Variants in RAD21L1 observed in about 807,000 individuals in gnomAD.
RAD21L1 encodes double-strand-break repair protein rad21-like protein 1.
RAD21L1 carries 47 observed loss-of-function variants against 69.0 expected under a neutral mutation model. The ratio of observed to expected loss-of-function variants is 0.68; its 90% confidence interval spans 0.54 to 0.87. The LOEUF is 0.87. Among genes scored for constraint, RAD21L1 ranks in the 40% least tolerant of loss-of-function variants. The probability of loss-of-function intolerance (pLI) is 0.00; values close to 1 mark genes in which losing one functional copy is unlikely to be tolerated. For synonymous variants in RAD21L1, 177 were observed against 205.8 expected (o/e 0.86, Z 1.20); for missense variants, 583 against 647.6 (o/e 0.90, Z 1.08).
intron 11 of RAD21L1, 124 bp downstream of exon 11, chr20:1,244,294 A>G (rs1204009851): frequency 1.4e-6 from 1 of 719,288 alleles, no homozygotes; most frequent in East Asian, 3.0e-5. Context: ...ATTGTTTTGC[A>G]ATTTGTTTAG....
At chr20:1,242,104 A>G (rs1236027398) in intron 8 of RAD21L1, among the ~76,000 whole-genome samples, 1 of 152,210 alleles carries the variant, frequency 6.6e-6, no homozygotes, top group African/African-American at 2.4e-5. Context: ...CTTAACAGGT[A>G]GATCCCTTTC....
At chr20:1,252,401 G>A (rs2087852251) in intron 13 of RAD21L1, among the ~76,000 whole-genome samples, 1 of 152,076 alleles carries the variant, frequency 6.6e-6, no homozygotes, top group Non-Finnish European at 1.5e-5. Flanking sequence ...TTCTCCCTTA[G>A]AATAGTCATC....
At chr20:1,238,239 TA>T in intron 6 of RAD21L1, 25 bp downstream of exon 6, 4 of 1,390,202 alleles carry the variant, frequency 2.9e-6, no homozygotes, top group Non-Finnish European at 3.8e-6. Context: ...CATGTGGAAA[TA>T]AAATATTTAT....
intron 1 of RAD21L1, among the ~76,000 whole-genome samples, chr20:1,226,600 AC>A (rs1325364085): frequency 2.1e-4 from 31 of 149,834 alleles, no homozygotes; most frequent in Non-Finnish European, 3.3e-4. Context: ...TCCCCTTCCG[AC>A]CCCTTCCTCC....
chr20:1,245,027 G>A (rs879054241), intron 11 of RAD21L1, among the ~76,000 whole-genome samples: 5 of 152,112 alleles, frequency 3.3e-5, no homozygotes, highest in Admixed American at 2.6e-4. Flanking sequence ...TGTACCTACC[G>A]AAAATTATGA....
rs918945023 is a variant in RAD21L1 at position 1,246,172 on chromosome 20, A to C, written c.1309-41A>C. ...AAAATTAGATTGTTCCTGTATAACCACTGGCAGATTTACCTAACTTTCCCT... is the reference window on the plus strand; with the variant it reads ...AAAATTAGATTGTTCCTGTATAACCCCTGGCAGATTTACCTAACTTTCCCT... On this transcript the variant is annotated intron_variant, in intron 11 of 13. Coordinates refer to ENST00000683101, the MANE Select transcript of RAD21L1 (RefSeq NM_001384355.1). The surrounding 1 kb of genome is among the most constrained non-coding windows in gnomAD (Gnocchi z 4.6). 9.2e-7 allele frequency: 1 copy of C among 1,084,146 alleles called. No individual in the cohort carries two copies. The highest frequency in any genetic ancestry group is 1.6e-5 in the African/African-American group (1 of 62,154). 67.2% of individuals were successfully genotyped at this position (1,084,146 alleles called of 1,614,324 possible).
At chr20:1,252,883 T>C (rs1194691076) in intron 13 of RAD21L1, among the ~76,000 whole-genome samples, 1 of 152,226 alleles carries the variant, frequency 6.6e-6, no homozygotes, top group Admixed American at 6.5e-5. Context: ...TTTGTCTTTA[T>C]CTCCTTCGTC....
intron 13 of RAD21L1, among the ~76,000 whole-genome samples, chr20:1,253,036 AG>A (rs1253600550): frequency 1.3e-5 from 2 of 152,246 alleles, no homozygotes; most frequent in Non-Finnish European, 2.9e-5. Context: ...ATTCTCTCCC[AG>A]GGGGGAAAAG....
At chr20:1,226,358 C>A in intron 1 of RAD21L1, 1 of 152,386 alleles carries the variant, frequency 6.6e-6, no homozygotes, top group Non-Finnish European at 1.5e-5. Context: ...TCCTCGCCCG[C>A]ACGCGGAAGA....
intron 8 of RAD21L1, among the ~76,000 whole-genome samples, chr20:1,241,003 C>A (rs2087596665): frequency 6.6e-6 from 1 of 152,328 alleles, no homozygotes; most frequent in Admixed American, 6.5e-5. Context: ...CCCTTGAATT[C>A]TTTTCCTGGA....
chr20:1,250,056 C>A (rs910625401), intron 13 of RAD21L1, among the ~76,000 whole-genome samples: 2 of 140,608 alleles, frequency 1.4e-5, no homozygotes, highest in Non-Finnish European at 3.1e-5. Flanking sequence ...CTTCTTGTGT[C>A]CAAGTGTTCT....
rs2087562472 is a variant in RAD21L1 at position 1,239,395 on chromosome 20, A to G, written c.730A>G (p.Asn244Asp). ...AATTTCCCTGCCTTCTGAGCCTCCC[A>G]ATAGTTTAGCAGGTAGGTTGAAATT... is the stretch of plus-strand genomic sequence containing the variant. Reference protein sequence around the residue: ...REISLPSEPPNSLAVEPDNSE... With the variant: ...REISLPSEPPDSLAVEPDNSE... Residue 244 changes from asparagine to aspartate, a missense_variant, in exon 7 of 14, where the codon AAT becomes GAT. Physicochemically the swap from Asn to Asp is conservative, Grantham distance 23 (BLOSUM62 1). Coordinates refer to ENST00000683101, the MANE Select transcript of RAD21L1 (RefSeq NM_001384355.1). 3 of 1,542,464 alleles carry G rather than the reference A, an allele frequency of 1.9e-6. No individual in the cohort carries two copies. The East Asian group carries it at 7.4e-5, about 38-fold the overall frequency.
At chr20:1,250,993 T>C (rs979755429) in intron 13 of RAD21L1, among the ~76,000 whole-genome samples, 1 of 152,180 alleles carries the variant, frequency 6.6e-6, no homozygotes, top group African/African-American at 2.4e-5. Context: ...ATTTGTCTCT[T>C]TCCTGTATAT....
intron 4 of RAD21L1, among the ~76,000 whole-genome samples, chr20:1,232,182 C>G (rs2087404088): frequency 6.6e-6 from 1 of 152,062 alleles, no homozygotes; most frequent in Non-Finnish European, 1.5e-5. Flanking sequence ...TTTCAAGGAC[C>G]AGCAAGGAGG....
At chr20:1,242,534 A>C in intron 8 of RAD21L1, 85 bp from the exon 9 acceptor site, 12 of 1,039,390 alleles carry the variant, frequency 1.2e-5, no homozygotes, top group Non-Finnish European at 1.6e-5. Flanking sequence ...TGCCTGGCTT[A>C]GAAATTTCTT....
rs548863665 is a variant in RAD21L1, at chr20:1,250,715, A to AT, written c.1479+2019dup. On this transcript the variant is annotated intron_variant, in intron 13 of 13. Transcript: ENST00000683101. ...AGCATGATTTATAATCCTTTACTTC[A>AT]TTTTTTTATTTGCTCAGTGTCTATA... is the stretch of plus-strand genomic sequence containing the variant. Among the ~76,000 whole-genome samples the AT allele has an allele frequency of 3.2e-4, 49 of 152,116 alleles. No individual in the cohort carries two copies. In the South Asian group the frequency reaches 9.5e-3, roughly 30 times the overall value.
rs2087448880 is a variant in RAD21L1, at chr20:1,234,112, T to G, written c.396T>G (p.Thr132=). Residue 132 remains threonine (T), a synonymous_variant, in exon 5 of 14, where the codon ACT becomes ACG. Coordinates refer to ENST00000683101, the MANE Select transcript of RAD21L1 (RefSeq NM_001384355.1). ...CTATTGATGTTTCAGAACACTTTACTCAGAACCAAAGCAGACCAGAAGAAA... is the reference window on the plus strand; with the variant it reads ...CTATTGATGTTTCAGAACACTTTACGCAGAACCAAAGCAGACCAGAAGAAA... ...MNAIDVSEHF[T]QNQSRPEEIT... The G allele has an allele frequency of 6.5e-7, 1 of 1,542,144 alleles. No individual in the cohort carries two copies. Among genetic ancestry groups the G allele is most frequent in the Non-Finnish European group, 8.8e-7 (1 of 1,139,212 alleles).
intron 13 of RAD21L1, 75 bp from the exon 14 acceptor site, chr20:1,254,194 T>TA: frequency 1.0e-6 from 1 of 968,680 alleles, no homozygotes; most frequent in Non-Finnish European, 1.5e-6. Context: ...TGTTGTTTAT[T>TA]ACGCATTTAT....
intron 5 of RAD21L1, among the ~76,000 whole-genome samples, chr20:1,236,144 T>C (rs2087491134): frequency 6.6e-6 from 1 of 152,164 alleles, no homozygotes; most frequent in Non-Finnish European, 1.5e-5. Flanking sequence ...GTTTTTTAAT[T>C]CTGAAATGTC....
Sources: allele counts gnomAD v4.1 joint callset (sites outside exome capture counted in the v4.1 genomes callset), GRCh38; gene constraint gnomAD v4.1.1; non-coding constraint Gnocchi (gnomAD v3.1); transcripts MANE v1.5; gene names NCBI Gene and HGNC (gene_info 2026-07-23, HGNC 2026-07-21).